Variants in TENM4 observed in about 807,000 individuals in gnomAD.
The protein encoded by TENM4 is teneurin transmembrane protein 4.
Under a neutral mutation model 243.3 loss-of-function variants are expected in TENM4, and 82 were observed. The observed-to-expected ratio is 0.34, with a 90% CI of 0.28 to 0.40. TENM4 has a LOEUF of 0.40. Among genes scored for constraint, TENM4 ranks in the 10% least tolerant of loss-of-function variants. The pLI, the probability that TENM4 is intolerant of heterozygous loss-of-function variation, is 1.00. For synonymous variants in TENM4, 1,412 were observed against 1,456.3 expected (o/e 0.97, Z 0.69); for missense variants, 3,138 against 3,673.3 (o/e 0.85, Z 3.77).
intron 1 of TENM4, among the ~76,000 whole-genome samples, chr11:79,322,078 C>T (rs1272959644): frequency 6.6e-6 from 1 of 152,154 alleles, no homozygotes; most frequent in Non-Finnish European, 1.5e-5. Context: ...CCTTAACTTC[C>T]CTGCACCACC....
intron 6 of TENM4, among the ~76,000 whole-genome samples, chr11:79,037,015 C>CAAAAAAAAAAA (rs369421583): frequency 4.6e-4 from 42 of 91,076 alleles, no homozygotes; most frequent in African/African-American, 1.5e-3. Context: ...GACTCCATCT[C>CAAAAAAAAAAA]AAAAAAAAAA....
intron 11 of TENM4, 102 bp downstream of exon 11, chr11:78,855,862 G>A: frequency 9.1e-7 from 1 of 1,102,724 alleles, no homozygotes; most frequent in Non-Finnish European, 1.3e-6. Flanking sequence ...ATATATAAAT[G>A]TCCCTTCAGG....
At chr11:79,051,138 GAAGTGC>G in intron 6 of TENM4, among the ~76,000 whole-genome samples, 2 of 152,330 alleles carry the variant, frequency 1.3e-5, no homozygotes, top group South Asian at 4.1e-4. Context: ...TGTAAATCAC[GAAGTGC>G]AATGCATTTA....
intron 6 of TENM4, among the ~76,000 whole-genome samples, chr11:78,925,121 G>T (rs1278894012): frequency 6.6e-6 from 1 of 152,154 alleles, no homozygotes; most frequent in Non-Finnish European, 1.5e-5. Flanking sequence ...TTCTAACTCT[G>T]ATCTCTTGAC....
intron 2 of TENM4, among the ~76,000 whole-genome samples, chr11:79,232,763 G>C (rs945148861): frequency 6.6e-6 from 1 of 152,170 alleles, no homozygotes; most frequent in African/African-American, 2.4e-5. Flanking sequence ...TTGCTGTTTG[G>C]ATAGATCCTC....
At chr11:79,365,383 T>C (rs1055819012) in intron 1 of TENM4, among the ~76,000 whole-genome samples, 4 of 152,146 alleles carry the variant, frequency 2.6e-5, no homozygotes, top group African/African-American at 4.8e-5. Context: ...GTAGCAACTG[T>C]ATTATGAATG....
At chr11:78,739,985 AGGCACT>A (rs1855884011) in intron 19 of TENM4, among the ~76,000 whole-genome samples, 1 of 152,194 alleles carries the variant, frequency 6.6e-6, no homozygotes, top group African/African-American at 2.4e-5. Flanking sequence ...GTGGAAATGA[AGGCACT>A]GGCTGGTGCA....
intron 2 of TENM4, among the ~76,000 whole-genome samples, chr11:79,235,162 A>C (rs1407617076): frequency 6.6e-6 from 1 of 151,794 alleles, no homozygotes; most frequent in African/African-American, 2.4e-5. Flanking sequence ...AAATACAAAA[A>C]ATTAGCCAGG....
At chr11:78,859,476 A>T (rs1481478790) in intron 10 of TENM4, among the ~76,000 whole-genome samples, 2 of 152,256 alleles carry the variant, frequency 1.3e-5, no homozygotes, top group Non-Finnish European at 2.9e-5. Flanking sequence ...CAAATATGCA[A>T]TCATGTCTAT....
At chr11:79,004,941 C>A (rs1591200000) in intron 6 of TENM4, among the ~76,000 whole-genome samples, 3 of 87,794 alleles carry the variant, frequency 3.4e-5, no homozygotes, top group Non-Finnish European at 7.1e-5. Context: ...ATAGAAATAC[C>A]AAAAAAAAAA....
intron 4 of TENM4, among the ~76,000 whole-genome samples, chr11:79,086,201 G>A (rs1034654220): frequency 2.0e-5 from 3 of 152,144 alleles, no homozygotes; most frequent in Non-Finnish European, 4.4e-5. Context: ...AAACACTTGA[G>A]CCTTTGGGAT....
chr11:78,658,421 C>A lies in TENM4; in HGVS notation c.7947G>T (p.Val2649=), dbSNP rs1214403394. 6.2e-7 allele frequency: 1 copy of A among 1,613,816 alleles called. No homozygotes were observed. The highest frequency in any genetic ancestry group is 1.7e-5 in the Admixed American group (1 of 60,012). Residue 2649 remains valine, a synonymous_variant, in exon 34 of 34, where the codon GTG becomes GTT. Coordinates refer to ENST00000278550, the MANE Select transcript of TENM4 (RefSeq NM_001098816.3). The part of the protein sequence containing the change: ...RTLENGVNVT[V]SQINTVLNGR... ...CATTAAGTACTGTGTTGATCTGGGA[C>A]ACAGTGACGTTGACCCCATTCTCCA...
chr11:78,908,697 A>C (rs73500648), intron 6 of TENM4, among the ~76,000 whole-genome samples: 2,255 of 152,284 alleles, frequency 0.015, 79 homozygotes, highest in African/African-American at 0.052. Context: ...ATAAAACCAG[A>C]CACATGGGCT....
rs12287236 is a variant in TENM4 at position 79,209,010 on chromosome 11, C to T, written c.-163+6798G>A. Among the ~76,000 whole-genome samples the T allele has an allele frequency of 6.5e-3, 997 of 152,240 alleles. 12 individuals carry two copies. The highest frequency in any genetic ancestry group is 0.023 in the African/African-American group (935 of 41,542). Reference sequence around the variant, plus strand: ...CAGTGGCTTTGGATAAACTGACCACCGAGGTGTGCAGCCGCAGGTGCAATT... The same window carrying T: ...CAGTGGCTTTGGATAAACTGACCACTGAGGTGTGCAGCCGCAGGTGCAATT... On this transcript the variant is annotated intron_variant, in intron 3 of 33. Coordinates refer to ENST00000278550, the MANE Select transcript of TENM4 (RefSeq NM_001098816.3).
intron 4 of TENM4, among the ~76,000 whole-genome samples, chr11:79,123,961 TTTC>T (rs540149220): frequency 2.6e-4 from 40 of 152,310 alleles, no homozygotes; most frequent in East Asian, 1.7e-3. Flanking sequence ...AAACTTTCTT[TTTC>T]TTCTTCTTCT....
intron 6 of TENM4, among the ~76,000 whole-genome samples, chr11:78,929,839 G>A (rs1856631411): frequency 6.6e-6 from 1 of 152,128 alleles, no homozygotes; most frequent in South Asian, 2.1e-4. Flanking sequence ...TGAAAACAAA[G>A]CCTTCTCTGC....
chr11:78,814,440 C>T (rs748130847), intron 12 of TENM4, 45 bp from the exon 13 acceptor site: 15 of 1,508,922 alleles, frequency 9.9e-6, no homozygotes, highest in South Asian at 3.7e-5. Flanking sequence ...AATTTCCTTA[C>T]CCAAACAGAG....
intron 2 of TENM4, among the ~76,000 whole-genome samples, chr11:79,238,212 T>C (rs1440259089): frequency 6.6e-6 from 1 of 152,204 alleles, no homozygotes; most frequent in Non-Finnish European, 1.5e-5. Context: ...CCAGCTGTCC[T>C]GGACTTGGGG....
At chr11:79,149,292 G>C (rs1297877268) in intron 3 of TENM4, among the ~76,000 whole-genome samples, 1 of 151,982 alleles carries the variant, frequency 6.6e-6, no homozygotes, top group African/African-American at 2.4e-5. Flanking sequence ...CTCTGGGCTG[G>C]TTTATTTACT....
Sources: gnomAD v4.1 joint callset for allele counts (sites outside exome capture counted in the v4.1 genomes callset) on GRCh38, gnomAD v4.1.1 for gene constraint, MANE v1.5 for transcripts, NCBI Gene and HGNC (gene_info 2026-07-23, HGNC 2026-07-21) for gene names.